EML6: variants seen among roughly 807,000 people sequenced by gnomAD.
EML6 encodes EMAP like 6, also known as echinoderm microtubule-associated protein-like 6.
In EML6, 154 loss-of-function variants were observed where a neutral mutation model predicts 240.1. The ratio of observed to expected loss-of-function variants is 0.64; its 90% CI spans 0.56 to 0.73. EML6 has a LOEUF of 0.73. Ranked by LOEUF, EML6 falls within the 30% of genes least tolerant of loss-of-function variation. The pLI, the probability that EML6 is intolerant of heterozygous loss-of-function variation, is 0.00. For missense variants in EML6, 2,964 were observed against 2,474.6 expected (o/e 1.20, Z -4.20); for synonymous variants, 1,148 against 899.0 (o/e 1.28, Z -4.95).
At position 54,962,623 on chromosome 2, in the gene EML6, T is replaced by C; in HGVS notation, c.5069T>C (p.Ile1690Thr). The C allele has an allele frequency of 1.3e-6, 2 of 1,546,920 alleles. No homozygotes were observed. Among genetic ancestry groups the C allele is most frequent in the Non-Finnish European group, 1.7e-6 (2 of 1,144,914 alleles). The change falls in exon 36 of 42, where the codon ATC becomes ACC. Residue 1690 changes from isoleucine to threonine, a missense_variant. Transcript: ENST00000356458. ...ILIDGHMEGEIWGLATHPSKD... is the reference protein window; with the variant it reads ...ILIDGHMEGETWGLATHPSKD... ...ATTGATGGTCACATGGAAGGGGAGA[T>C]CTGGGGCCTGGCCACTCACCCTTCC...
chr2:54,936,799 GAA>G (rs1675155938), intron 28 of EML6, among the ~76,000 whole-genome samples: 1 of 152,090 alleles, frequency 6.6e-6, no homozygotes, highest in Non-Finnish European at 1.5e-5. Context: ...ACCTGTCACT[GAA>G]AAGAGGTTTA....
At chr2:54,743,689 A>G (rs1179726777) in intron 2 of EML6, among the ~76,000 whole-genome samples, 1 of 152,206 alleles carries the variant, frequency 6.6e-6, no homozygotes, top group Admixed American at 6.5e-5. Flanking sequence ...TTTTGATTGT[A>G]TACCTCTCTT....
chr2:54,739,307 A>C (rs939754584), intron 2 of EML6, among the ~76,000 whole-genome samples: 1 of 152,224 alleles, frequency 6.6e-6, no homozygotes, highest in African/African-American at 2.4e-5. Flanking sequence ...ATGTAATGTG[A>C]TATGAAAATT....
intron 10 of EML6, among the ~76,000 whole-genome samples, 163 bp from the exon 11 acceptor site, chr2:54,853,480 T>C (rs540355145): frequency 1.5e-4 from 22 of 151,494 alleles, no homozygotes; most frequent in African/African-American, 4.6e-4. Context: ...GTGGGCTTTC[T>C]TTAAGCCACG....
chr2:54,897,982 T>G (rs1016429071), intron 21 of EML6, among the ~76,000 whole-genome samples: 1 of 152,186 alleles, frequency 6.6e-6, no homozygotes, highest in Non-Finnish European at 1.5e-5. Flanking sequence ...AGATCCACTT[T>G]GCCGGTTTTG....
chr2:54,947,165 A>G (rs1438885185), intron 28 of EML6, among the ~76,000 whole-genome samples: 1 of 152,078 alleles, frequency 6.6e-6, no homozygotes, highest in African/African-American at 2.4e-5. Context: ...TGCTTTTGTC[A>G]TACACTTAAA....
At chr2:54,808,920 A>G (rs1472397143) in intron 2 of EML6, among the ~76,000 whole-genome samples, 1 of 152,172 alleles carries the variant, frequency 6.6e-6, no homozygotes, top group Non-Finnish European at 1.5e-5. Context: ...AGTGCTTTCT[A>G]TTGCTATGGT....
intron 26 of EML6, among the ~76,000 whole-genome samples, chr2:54,918,545 C>A (rs1458550716): frequency 6.6e-6 from 1 of 152,146 alleles, no homozygotes. Flanking sequence ...TGGGGTCTCA[C>A]TATATTACCC....
At chr2:54,731,883 A>G (rs1001088795) in intron 2 of EML6, among the ~76,000 whole-genome samples, 1 of 152,112 alleles carries the variant, frequency 6.6e-6, no homozygotes, top group African/African-American at 2.4e-5. Flanking sequence ...GCACTGTGAA[A>G]TTGTTTTCCA....
intron 7 of EML6, among the ~76,000 whole-genome samples, chr2:54,841,211 G>C (rs952779357): frequency 6.6e-6 from 1 of 152,200 alleles, no homozygotes; most frequent in Non-Finnish European, 1.5e-5. Flanking sequence ...CCATACATCT[G>C]TCCTTCCCAT....
chr2:54,862,884 T>C (rs572512281), intron 12 of EML6, among the ~76,000 whole-genome samples: 184 of 152,280 alleles, frequency 1.2e-3, no homozygotes, highest in African/African-American at 4.3e-3. Flanking sequence ...CAGGAGAGGA[T>C]ACATTTCAGC....
Position 54,838,691 on chromosome 2 carries a change from C to T in EML6, c.848-5356C>T, listed in dbSNP as rs535188719. On this transcript the variant is annotated intron_variant, in intron 7 of 41. Coordinates refer to ENST00000356458, the MANE Select transcript of EML6 (RefSeq NM_001039753.4). ...CGGACTGGTGAGGATTTGGTCTTGG[C>T]ATAAGAGGATTTTTTTGGTTTAGAT... Among the ~76,000 whole-genome samples, 15 of 152,212 alleles carry T rather than the reference C, an allele frequency of 9.9e-5. No homozygotes were observed. The South Asian group carries it at 2.9e-3, about 29-fold the overall frequency.
intron 2 of EML6, among the ~76,000 whole-genome samples, chr2:54,736,634 A>G (rs1683404623): frequency 6.6e-6 from 1 of 152,146 alleles, no homozygotes; most frequent in Non-Finnish European, 1.5e-5. Flanking sequence ...GACTTCAGTG[A>G]CCTCCATTGC....
intron 2 of EML6, among the ~76,000 whole-genome samples, chr2:54,756,489 T>G (rs1667735992): frequency 6.6e-6 from 1 of 152,252 alleles, no homozygotes; most frequent in Admixed American, 6.5e-5. Flanking sequence ...GTTTGGGTTT[T>G]GGTCCTGATT....
rs771233110 is a variant in EML6 at position 54,850,136 on chromosome 2, C to T, written c.1362C>T (p.Ile454=). 4.5e-6 allele frequency: 7 copies of T among 1,551,770 alleles called. No individual in the cohort carries two copies. The East Asian group carries it at 9.8e-5, about 22-fold the overall frequency. The change falls in exon 10 of 42, where the codon ATC becomes ATT. Residue 454 remains isoleucine, a synonymous_variant. Coordinates refer to ENST00000356458, the MANE Select transcript of EML6 (RefSeq NM_001039753.4). ...IGECSKSLSF[I]THIDWSLDSK... is the part of the protein sequence containing the mutation. ...AATGCAGCAAGTCCCTTAGTTTCAT[C>T]ACGCATATTGACTGGTCCTTGGATA...
In EML6 at chr2:54,891,077, TG is replaced by T; in HGVS notation, c.2464del (p.Val822Ter). 1 of 1,491,884 alleles carries T rather than the reference TG, an allele frequency of 6.7e-7. No homozygotes were observed. The highest frequency in any genetic ancestry group is 1.3e-5 in the South Asian group (1 of 77,950). 92.4% of individuals were successfully genotyped at this position (1,491,884 alleles called of 1,614,324 possible). On this transcript the variant is annotated frameshift_variant, in exon 18 of 42. Transcript: ENST00000356458. LOFTEE classifies it high-confidence loss of function. ...AGAGGACATAAAGATAAGATATTTG[TG>T]GTAAAGTGTAACCCACACCATGTTG... Reference protein sequence around the residue: ...TTRGHKDKIFVVKCNPHHVDK... With the variant: ...TTRGHKDKIFXVKCNPHHVDK...
rs1289032980 is a variant in EML6, at chr2:54,950,682, A to C, written c.4116A>C (p.Arg1372Ser). Residue 1372 changes from arginine (R) to serine (S), a missense_variant, in exon 30 of 42, where the codon AGA (arginine) becomes AGC (serine). Arg to Ser is a moderately radical substitution (Grantham distance 110, BLOSUM62 -1). Transcript: ENST00000356458. ...CTCTAGACCACGTGTTTGGCTACAG[A>C]GGTTTCGACTGTCGAAATAACCTGC... The part of the protein sequence containing the change: ...ELALDHVFGY[R>S]GFDCRNNLHY... 1 of 1,551,582 alleles carries C rather than the reference A, an allele frequency of 6.4e-7. No individual in the cohort carries two copies. Among genetic ancestry groups the C allele is most frequent in the Non-Finnish European group, 8.7e-7 (1 of 1,146,964 alleles).
intron 28 of EML6, among the ~76,000 whole-genome samples, chr2:54,940,645 C>G (rs1421486245): frequency 2.0e-5 from 3 of 152,208 alleles, no homozygotes; most frequent in South Asian, 2.1e-4. Context: ...TTTAATCTGT[C>G]TTCAAGATGC....
At chr2:54,814,707 G>A (rs1472165729) in intron 3 of EML6, among the ~76,000 whole-genome samples, 1 of 152,172 alleles carries the variant, frequency 6.6e-6, no homozygotes, top group Non-Finnish European at 1.5e-5. Flanking sequence ...AGTTGACCTG[G>A]GTTGAGTCAC....
Sources: allele counts gnomAD v4.1 joint callset (sites outside exome capture counted in the v4.1 genomes callset), GRCh38; gene constraint gnomAD v4.1.1; transcripts MANE v1.5; gene names NCBI Gene and HGNC (gene_info 2026-07-23, HGNC 2026-07-21).